The following PLXDC1 variants were observed in gnomAD, a reference collection of about 807,000 sequenced individuals.
PLXDC1 encodes the protein plexin domain containing 1.
A neutral mutation model predicts 61.3 loss-of-function variants in PLXDC1; 39 were observed. The ratio of observed to expected loss-of-function variants is 0.64; its 90% CI spans 0.49 to 0.83. The LOEUF (loss-of-function observed/expected upper bound fraction) is 0.83, where lower values mean the gene tolerates loss of function less well. Among genes scored for constraint, PLXDC1 ranks in the 40% least tolerant of loss-of-function variants. PLXDC1 has a pLI of 0.00. For synonymous variants in PLXDC1, 212 were observed against 254.5 expected (o/e 0.83, Z 1.59); for missense variants, 596 against 666.5 (o/e 0.89, Z 1.17).
rs576777802 is a variant in PLXDC1, at chr17:39,112,798, G to C, written c.256-3407C>G. Among the ~76,000 whole-genome samples the C allele has an allele frequency of 6.8e-4, 104 of 152,222 alleles. 1 individual carries two copies. The highest frequency in any genetic ancestry group is 1.1e-3 in the Non-Finnish European group (76 of 68,004). ...TGCTTTGCAATGTGTTAAAATTAGG[G>C]AAATAAACCTGCCTCCCTAAATCCT... On this transcript the variant is annotated intron_variant, in intron 2 of 13. Coordinates refer to ENST00000315392, the MANE Select transcript of PLXDC1 (RefSeq NM_020405.5).
At chr17:39,152,662 T>G, upstream of PLXDC1, 1 of 1,231,924 alleles carries the variant, frequency 8.1e-7, no homozygotes, top group Non-Finnish European at 1.0e-6. Context: ...AGAGGAAGGG[T>G]GCGAACGCTG....
intron 12 of PLXDC1, 137 bp downstream of exon 12, chr17:39,072,313 G>A (rs1376963443): frequency 7.3e-6 from 5 of 686,536 alleles, no homozygotes; most frequent in Non-Finnish European, 1.3e-5. Context: ...CACCCAGCAG[G>A]AGGTCTGGGA....
chr17:39,092,015 G>A (rs1013235324), intron 7 of PLXDC1, among the ~76,000 whole-genome samples: 5 of 150,730 alleles, frequency 3.3e-5, no homozygotes, highest in African/African-American at 1.2e-4. Context: ...CATAAGTGGG[G>A]AAACTGAGGT....
At chr17:39,101,846 T>C (rs976519554) in intron 7 of PLXDC1, among the ~76,000 whole-genome samples, 6 of 151,920 alleles carry the variant, frequency 3.9e-5, no homozygotes, top group Non-Finnish European at 8.8e-5. Flanking sequence ...TATCATGCAG[T>C]GTTGCGTGGG....
intron 10 of PLXDC1, 46 bp from the exon 11 acceptor site, chr17:39,078,094 T>A: frequency 1.3e-6 from 2 of 1,496,474 alleles, no homozygotes; most frequent in Non-Finnish European, 1.8e-6. Flanking sequence ...TTTACACCTT[T>A]CCCTTCATCC....
rs964036051 is a variant in PLXDC1 at position 39,111,031 on chromosome 17, C to T, written c.256-1640G>A. 5.3e-5 allele frequency among the ~76,000 whole-genome samples: 8 copies of T among 152,278 alleles called. No homozygotes were observed. The South Asian group carries it at 8.3e-4, about 16-fold the overall frequency. On this transcript the variant is annotated intron_variant, in intron 2 of 13. Coordinates refer to ENST00000315392, the MANE Select transcript of PLXDC1 (RefSeq NM_020405.5). ...CTCCCTGAAGACACTGTCCTCGAGA[C>T]GAAAACCAAAGCTCTTAGGCTGGCA... is the stretch of plus-strand genomic sequence containing the variant.
rs968777163 is a variant in PLXDC1, at chr17:39,109,159, G to A, written c.399+89C>T. 5 of 1,505,310 alleles carry A rather than the reference G, an allele frequency of 3.3e-6. No individual in the cohort carries two copies. The African/African-American group carries it at 5.5e-5, about 17-fold the overall frequency. The allele number at this position is 1,505,310 out of a possible 1,614,324, so 93.2% of individuals were successfully genotyped here. ...GGTACCTCCCAGGTCACAGACCTCGGGCCACAGCCATGCCCACTGACCAGG... is the reference window on the plus strand; with the variant it reads ...GGTACCTCCCAGGTCACAGACCTCGAGCCACAGCCATGCCCACTGACCAGG... On this transcript the variant is annotated intron_variant, in intron 3 of 13. Coordinates refer to ENST00000315392, the MANE Select transcript of PLXDC1 (RefSeq NM_020405.5).
rs1910662750 is a variant in PLXDC1, at chr17:39,108,156, A to G, written c.559T>C (p.Ser187Pro). Residue 187 changes from serine to proline, a missense_variant, in exon 5 of 14, where the codon TCC (serine) becomes CCC (proline). Coordinates refer to ENST00000315392, the MANE Select transcript of PLXDC1 (RefSeq NM_020405.5). ...AAGTAAACAACTGTGGAGTTGTCGG[A>G]GTAGCCAGGGTTGAAGTTGGCCATC... ...PLMANFNPGYSDNSTVVYFDN... is the reference protein window; with the variant it reads ...PLMANFNPGYPDNSTVVYFDN... The G allele has an allele frequency of 6.2e-7, 1 of 1,614,072 alleles. No homozygotes were observed. The highest frequency in any genetic ancestry group is 8.5e-7 in the Non-Finnish European group (1 of 1,180,032).
chr17:39,095,389 A>ACCCCCCC (rs1567759313), intron 7 of PLXDC1, among the ~76,000 whole-genome samples: 152 of 5,566 alleles, frequency 0.027, 17 homozygotes, highest in Non-Finnish European at 0.039. Flanking sequence ...CAACCCCCCA[A>ACCCCCCC]GCCTGGGTTA....
At position 39,091,819 on chromosome 17, in the gene PLXDC1, C is replaced by T. The variant is rs148401840; in HGVS notation, c.812-4117G>A. On this transcript the variant is annotated intron_variant, in intron 7 of 13. Coordinates refer to ENST00000315392, the MANE Select transcript of PLXDC1 (RefSeq NM_020405.5). ...CTAAAAATTTAAAAAATTAGCCAGG[C>T]GTGGTGGTGAGCACCTGTAATCCCA... 3.5e-3 allele frequency among the ~76,000 whole-genome samples: 536 copies of T among 151,958 alleles called. 3 individuals are homozygous for T. The highest frequency in any genetic ancestry group is 0.012 in the African/African-American group (489 of 41,454).
intron 7 of PLXDC1, among the ~76,000 whole-genome samples, chr17:39,103,845 CAAAAAA>C (rs11370520): frequency 7.7e-5 from 9 of 116,592 alleles, no homozygotes; most frequent in African/African-American, 2.3e-4. Context: ...GACTCTGTCT[CAAAAAA>C]AAAAAAAAAA....
chr17:39,133,511 T>G (rs1016605004), intron 2 of PLXDC1, among the ~76,000 whole-genome samples: 7 of 152,148 alleles, frequency 4.6e-5, no homozygotes, highest in African/African-American at 1.4e-4. Context: ...AAAACCCTAC[T>G]TCCTTTGTTC....
chr17:39,074,250 A>T (rs1487295781), intron 11 of PLXDC1, among the ~76,000 whole-genome samples: 1 of 152,130 alleles, frequency 6.6e-6, no homozygotes, highest in Non-Finnish European at 1.5e-5. Flanking sequence ...AATGGCATGT[A>T]CCTGCAGCAC....
At chr17:39,120,124 C>T (rs1012706294) in intron 2 of PLXDC1, among the ~76,000 whole-genome samples, 8 of 152,176 alleles carry the variant, frequency 5.3e-5, no homozygotes, top group African/African-American at 1.9e-4. Flanking sequence ...AAATCACGCA[C>T]CCCTGCAGGC....
At chr17:39,087,781 A>G (rs1909799501) in intron 7 of PLXDC1, 79 bp from the exon 8 acceptor site, 1 of 988,002 alleles carries the variant, frequency 1.0e-6, no homozygotes, top group South Asian at 1.4e-5. Context: ...ACAGTCTGAC[A>G]GGTCAGCCTG....
intron 1 of PLXDC1, among the ~76,000 whole-genome samples, chr17:39,140,887 C>G (rs1911916064): frequency 6.6e-6 from 1 of 152,198 alleles, no homozygotes; most frequent in Non-Finnish European, 1.5e-5. Flanking sequence ...TGCCATCTAA[C>G]CATTTCCAAG....
rs1911880411 is a variant in PLXDC1 at position 39,139,899 on chromosome 17, CCA to C, written c.77-69_77-68del. The C allele has an allele frequency of 2.7e-6, 4 of 1,473,330 alleles. No individual in the cohort carries two copies. In the Admixed American group the frequency reaches 8.1e-5, roughly 30 times the overall value. 91.3% of individuals were successfully genotyped at this position (1,473,330 alleles called of 1,614,324 possible). On this transcript the variant is annotated intron_variant, in intron 1 of 13. Coordinates refer to ENST00000315392, the MANE Select transcript of PLXDC1 (RefSeq NM_020405.5). ...ATGAAGATCAGGAGGGGAATCCAGC[CCA>C]GTTATTCTGCAAGGGCCCCAACACC...
chr17:39,090,780 A>G (rs961829498), intron 7 of PLXDC1, among the ~76,000 whole-genome samples: 2 of 152,182 alleles, frequency 1.3e-5, no homozygotes, highest in Non-Finnish European at 2.9e-5. Flanking sequence ...AGCCTCTTCT[A>G]ACCCCTCAAA....
At chr17:39,106,092 C>A (rs1251372516) in intron 6 of PLXDC1, 139 bp from the exon 7 acceptor site, 2 of 569,880 alleles carry the variant, frequency 3.5e-6, no homozygotes, top group Admixed American at 6.7e-5. Context: ...CCCAGTGGGA[C>A]CCCACCCAAA....
Sources: allele counts gnomAD v4.1 joint callset (sites outside exome capture counted in the v4.1 genomes callset), GRCh38; gene constraint gnomAD v4.1.1; transcripts MANE v1.5; gene names NCBI Gene and HGNC (gene_info 2026-07-23, HGNC 2026-07-21).